PSEN1: variants seen among roughly 807,000 people sequenced by gnomAD.
The protein encoded by PSEN1 is presenilin 1.
PSEN1 carries 15 observed loss-of-function variants against 53.5 expected under a neutral mutation model. The observed-to-expected ratio is 0.28, with a 90% confidence interval of 0.19 to 0.43. The LOEUF (loss-of-function observed/expected upper bound fraction) is 0.43. PSEN1 is among the 20% of genes least tolerant of loss of function. PSEN1 has a pLI of 1.00. For synonymous variants in PSEN1, 208 were observed against 209.8 expected (o/e 0.99, Z 0.08); for missense variants, 387 against 571.2 (o/e 0.68, Z 3.29).
intron 3 of PSEN1, among the ~76,000 whole-genome samples, chr14:73,159,450 G>T (rs1369019589): frequency 6.6e-6 from 1 of 152,106 alleles, no homozygotes; most frequent in African/African-American, 2.4e-5. Context: ...TCTTCTGGAA[G>T]CTTTATAGTT....
In PSEN1 at chr14:73,219,603, G is replaced by T. The variant is rs201726198; in HGVS notation, c.*314G>T. 7.7e-6 allele frequency: 3 copies of T among 389,352 alleles called. No homozygotes were observed. In the Admixed American group the frequency reaches 1.1e-4, roughly 15 times the overall value. The allele number at this position is 389,352 out of a possible 1,614,324, so 24.1% of individuals were successfully genotyped here. On this transcript the variant is annotated 3_prime_UTR_variant, in exon 12 of 12. Transcript: ENST00000324501. ...TGCTGTGCCCCATCAGCAGCTTGAC[G>T]CGTGGTCACAGGACGATTTCACTGA...
intron 6 of PSEN1, among the ~76,000 whole-genome samples, chr14:73,191,430 G>A (rs1030788198): frequency 3.9e-5 from 6 of 151,956 alleles, no homozygotes; most frequent in African/African-American, 7.3e-5. Context: ...TTCTTCTCCC[G>A]CTTTGAAGGT....
chr14:73,185,128 A>G (rs1446253678), intron 5 of PSEN1, among the ~76,000 whole-genome samples: 251 of 140,660 alleles, frequency 1.8e-3, no homozygotes, highest in African/African-American at 6.2e-3. Context: ...CAGACTGGGC[A>G]GCCAGGCAGA....
chr14:73,161,268 C>T (rs1897528045), intron 3 of PSEN1, among the ~76,000 whole-genome samples: 1 of 152,164 alleles, frequency 6.6e-6, no homozygotes, highest in African/African-American at 2.4e-5. Flanking sequence ...AGCTACCACA[C>T]CCAGCCTGAT....
At chr14:73,173,433 G>T in intron 4 of PSEN1, 133 bp from the exon 5 acceptor site, 1 of 854,496 alleles carries the variant, frequency 1.2e-6, no homozygotes, top group East Asian at 2.5e-5. Context: ...TAGCTAGATT[G>T]GTGAGTTGGG....
rs1203318928 is a variant in PSEN1 at position 73,170,948 on chromosome 14, A to G, written c.239A>G (p.Lys80Arg). ...DEELTLKYGA[K>R]HVIMLFVPVT... ...GAGCTGACATTGAAATATGGCGCCA[A>G]GCATGTGATCATGCTCTTTGTCCCT... is the stretch of plus-strand genomic sequence containing the variant. The change falls in exon 4 of 12, where the codon AAG becomes AGG. Residue 80 changes from lysine (K) to arginine (R), a missense_variant. By Grantham distance (26) the Lys-to-Arg change is conservative (BLOSUM62 2). Transcript: ENST00000324501. The G allele has an allele frequency of 1.2e-6, 2 of 1,614,252 alleles. No individual in the cohort carries two copies. Among genetic ancestry groups the G allele is most frequent in the Non-Finnish European group, 1.7e-6 (2 of 1,180,046 alleles).
At chr14:73,208,851 A>G (rs1202532833) in intron 9 of PSEN1, 1 of 454,906 alleles carries the variant, frequency 2.2e-6, no homozygotes, top group African/African-American at 2.0e-5. Context: ...GCTGCCATCA[A>G]CCTGCTGTCT....
At chr14:73,186,965 T>G (rs1843323797) in intron 6 of PSEN1, 45 bp downstream of exon 6, 1 of 1,398,652 alleles carries the variant, frequency 7.1e-7, no homozygotes, top group African/African-American at 1.4e-5. Flanking sequence ...TTAACTACCT[T>G]TGTGCTGTGT....
intron 7 of PSEN1, among the ~76,000 whole-genome samples, chr14:73,194,473 C>T (rs1898855187): frequency 6.6e-6 from 1 of 151,844 alleles, no homozygotes; most frequent in African/African-American, 2.4e-5. Context: ...GTTTCCCAGG[C>T]TTGTCCGGAA....
chr14:73,186,593 A>G (rs891170904), intron 5 of PSEN1, among the ~76,000 whole-genome samples: 1 of 152,188 alleles, frequency 6.6e-6, no homozygotes. Context: ...CCTGGGCAAC[A>G]TGGCGAAACC....
intron 7 of PSEN1, among the ~76,000 whole-genome samples, chr14:73,196,474 A>T (rs1444313125): frequency 2.0e-5 from 2 of 102,284 alleles, no homozygotes; most frequent in Non-Finnish European, 3.8e-5. Flanking sequence ...GAGGCATGAA[A>T]TTTTTTTTTT....
intron 6 of PSEN1, among the ~76,000 whole-genome samples, chr14:73,187,638 G>A (rs1898565229): frequency 6.6e-6 from 1 of 152,042 alleles, no homozygotes; most frequent in Non-Finnish European, 1.5e-5. Context: ...GTAAAGAAGA[G>A]GTACAGAAAG....
intron 5 of PSEN1, among the ~76,000 whole-genome samples, chr14:73,181,311 G>A (rs1595013551): frequency 2.0e-5 from 3 of 152,272 alleles, no homozygotes; most frequent in Admixed American, 1.3e-4. Flanking sequence ...GCGTGGTGGC[G>A]AGTGCCTGTA....
chr14:73,139,653 C>A (rs1367988922), intron 1 of PSEN1, among the ~76,000 whole-genome samples: 1 of 152,082 alleles, frequency 6.6e-6, no homozygotes, highest in Non-Finnish European at 1.5e-5. Flanking sequence ...ACACAATATA[C>A]CTAACATATT....
At chr14:73,170,492 C>T (rs954949112) in intron 3 of PSEN1, among the ~76,000 whole-genome samples, 7 of 152,174 alleles carry the variant, frequency 4.6e-5, no homozygotes, top group Admixed American at 2.0e-4. Flanking sequence ...AGCCAGTAAA[C>T]AAGTTTTCAT....
At chr14:73,149,735 A>C (rs1175254447) in intron 3 of PSEN1, among the ~76,000 whole-genome samples, 1 of 152,216 alleles carries the variant, frequency 6.6e-6, no homozygotes, top group East Asian at 1.9e-4. Flanking sequence ...GAGTATAATC[A>C]AATTGAAATA....
At chr14:73,139,458 G>C (rs1348989496) in intron 1 of PSEN1, 1 of 151,280 alleles carries the variant, frequency 6.6e-6, no homozygotes, top group Non-Finnish European at 1.5e-5. Context: ...GCGTGTACCT[G>C]TTATCCCAGC....
chr14:73,214,057 C>A (rs568318853), intron 10 of PSEN1, among the ~76,000 whole-genome samples: 1 of 152,140 alleles, frequency 6.6e-6, no homozygotes, highest in South Asian at 2.1e-4. Flanking sequence ...TTGTTCATAA[C>A]AGGTAAAAAC....
In PSEN1 at chr14:73,221,472, C is replaced by A. The variant is rs777839620; in HGVS notation, c.*2183C>A. 5 of 152,080 alleles carry A rather than the reference C, an allele frequency of 3.3e-5. No individual in the cohort carries two copies. Among genetic ancestry groups the A allele is most frequent in the Non-Finnish European group, 7.4e-5 (5 of 68,024 alleles). The allele number at this position is 152,080 out of a possible 1,614,324, so 9.4% of individuals were successfully genotyped here. ...TACGTGGGGTGTGTGTATTTAAATC[C>A]ATCCTATGTATTACTGATTGTCCTG... On this transcript the variant is annotated 3_prime_UTR_variant, in exon 12 of 12. Coordinates refer to ENST00000324501, the MANE Select transcript of PSEN1 (RefSeq NM_000021.4).
Sources: gnomAD v4.1 joint callset for allele counts (sites outside exome capture counted in the v4.1 genomes callset) on GRCh38, gnomAD v4.1.1 for gene constraint, MANE v1.5 for transcripts, NCBI Gene and HGNC (gene_info 2026-07-23, HGNC 2026-07-21) for gene names.